Variants in UGT1A8 observed in about 807,000 individuals in gnomAD.
UGT1A8 encodes the protein UDP-glucuronosyltransferase 1A8.
In UGT1A8, 39 loss-of-function variants were observed where a neutral mutation model predicts 45.3. That is an observed-to-expected ratio of 0.86 (90% confidence interval 0.67 to 1.12). The LOEUF is 1.12. Ranked by LOEUF, UGT1A8 falls within the 50% of genes most tolerant of loss-of-function variation. The probability of loss-of-function intolerance (pLI) is 0.00; values close to 1 mark genes in which losing one functional copy is unlikely to be tolerated. For missense variants in UGT1A8, 719 were observed against 664.9 expected (o/e 1.08, Z -0.90); for synonymous variants, 275 against 249.2 (o/e 1.10, Z -0.97).
intron 1 of UGT1A8, chr2:233,647,926 C>G: frequency 5.6e-6 from 9 of 1,601,882 alleles, no homozygotes; most frequent in Non-Finnish European, 6.8e-6. Context: ...AGATCACTCA[C>G]TGCCCATGGA....
intron 1 of UGT1A8, among the ~76,000 whole-genome samples, chr2:233,738,616 G>A (rs1192038342): frequency 6.6e-6 from 1 of 152,208 alleles, no homozygotes; most frequent in Non-Finnish European, 1.5e-5. Context: ...AAAGAAACTC[G>A]TGGCATTTTT....
chr2:233,754,382 C>A, intron 1 of UGT1A8: 2 of 288,814 alleles, frequency 6.9e-6, no homozygotes, highest in Non-Finnish European at 1.4e-5. Flanking sequence ...GAAAGACAAA[C>A]AGAGGTCCTA....
intron 1 of UGT1A8, chr2:233,743,752 C>T (rs1459474773): frequency 7.3e-7 from 1 of 1,367,268 alleles, no homozygotes. Flanking sequence ...CGTCCGACAA[C>T]ACCTCGTAGG....
At chr2:233,741,092 C>G (rs1056351038) in intron 1 of UGT1A8, among the ~76,000 whole-genome samples, 2 of 151,810 alleles carry the variant, frequency 1.3e-5, no homozygotes, top group African/African-American at 4.9e-5. Flanking sequence ...AACAAACAAG[C>G]AAACAGACAA....
intron 1 of UGT1A8, among the ~76,000 whole-genome samples, chr2:233,621,664 C>T (rs1005000533): frequency 6.6e-6 from 1 of 152,142 alleles, no homozygotes; most frequent in Non-Finnish European, 1.5e-5. Context: ...CACTATTTTG[C>T]TGAACTGATT....
intron 1 of UGT1A8, among the ~76,000 whole-genome samples, chr2:233,764,963 G>A (rs1465022385): frequency 6.6e-6 from 1 of 152,090 alleles, no homozygotes; most frequent in East Asian, 1.9e-4. Flanking sequence ...GCTCACCTTG[G>A]GAGAAGGATG....
intron 1 of UGT1A8, among the ~76,000 whole-genome samples, chr2:233,696,491 C>T (rs1208679803): frequency 6.6e-6 from 1 of 151,990 alleles, no homozygotes; most frequent in African/African-American, 2.4e-5. Flanking sequence ...GCAACTTTAC[C>T]GAATTTGCTT....
At chr2:233,669,280 T>G (rs2074135198) in intron 1 of UGT1A8, among the ~76,000 whole-genome samples, 1 of 152,202 alleles carries the variant, frequency 6.6e-6, no homozygotes, top group African/African-American at 2.4e-5. Context: ...TTTTAAAAGT[T>G]ATTTTTGCTA....
At chr2:233,683,946 G>A (rs2074657206) in intron 1 of UGT1A8, among the ~76,000 whole-genome samples, 1 of 152,126 alleles carries the variant, frequency 6.6e-6, no homozygotes, top group South Asian at 2.1e-4. Context: ...TGTTGGTCTA[G>A]CCAGCTTAAA....
intron 1 of UGT1A8, among the ~76,000 whole-genome samples, chr2:233,736,005 G>A (rs1194834652): frequency 1.3e-5 from 2 of 152,028 alleles, no homozygotes; most frequent in African/African-American, 4.8e-5. Flanking sequence ...TGTTCTTCTC[G>A]AGGAGTATCT....
chr2:233,634,428 T>G (rs972084388), intron 1 of UGT1A8, among the ~76,000 whole-genome samples: 1 of 152,154 alleles, frequency 6.6e-6, no homozygotes, highest in Admixed American at 6.5e-5. Context: ...CTCCCACTAT[T>G]ATTGTATGGG....
intron 1 of UGT1A8, among the ~76,000 whole-genome samples, chr2:233,757,449 A>G (rs1402767251): frequency 1.3e-5 from 2 of 150,796 alleles, no homozygotes; most frequent in Admixed American, 6.6e-5. Context: ...ATACAGAAAC[A>G]TGTCCAGAGC....
intron 1 of UGT1A8, among the ~76,000 whole-genome samples, chr2:233,619,821 G>T (rs1422915694): frequency 1.3e-5 from 2 of 152,134 alleles, no homozygotes; most frequent in Non-Finnish European, 2.9e-5. Flanking sequence ...CCATCTGCAA[G>T]TAATTCCCTT....
intron 1 of UGT1A8, among the ~76,000 whole-genome samples, chr2:233,624,097 A>G (rs529353354): frequency 2.0e-5 from 3 of 152,266 alleles, no homozygotes; most frequent in South Asian, 2.1e-4. Context: ...TTATGTTTCT[A>G]TGGCACATCC....
chr2:233,643,217 T>C (rs2073504163), intron 1 of UGT1A8, among the ~76,000 whole-genome samples: 1 of 152,140 alleles, frequency 6.6e-6, no homozygotes, highest in South Asian at 2.1e-4. Flanking sequence ...ACCTTAGCAT[T>C]CCACCTGGTA....
At chr2:233,658,206 A>G (rs1263690912) in intron 1 of UGT1A8, among the ~76,000 whole-genome samples, 2 of 152,052 alleles carry the variant, frequency 1.3e-5, no homozygotes, top group Non-Finnish European at 2.9e-5. Flanking sequence ...TTTAGTAGAC[A>G]CAGGGTTTCA....
chr2:233,748,199 G>A (rs1164871167), intron 1 of UGT1A8: 58 of 1,533,096 alleles, frequency 3.8e-5, no homozygotes, highest in Non-Finnish European at 4.6e-5. Context: ...TCTGCTTGTC[G>A]TAATAGCCTT....
chr2:233,628,133 ATT>A (rs1280843341), intron 1 of UGT1A8, among the ~76,000 whole-genome samples: 1 of 152,024 alleles, frequency 6.6e-6, no homozygotes, highest in Non-Finnish European at 1.5e-5. Context: ...ATATGTTTGT[ATT>A]TCTTTCCTGT....
At chr2:233,743,056 A>G (rs955838724) in intron 1 of UGT1A8, 3 of 325,656 alleles carry the variant, frequency 9.2e-6, no homozygotes, top group African/African-American at 6.5e-5. Context: ...AGTCCCAACG[A>G]TAAGAACAGG....
Sources: allele counts gnomAD v4.1 joint callset (sites outside exome capture counted in the v4.1 genomes callset), GRCh38; gene constraint gnomAD v4.1.1; transcripts MANE v1.5; gene names NCBI Gene and HGNC (gene_info 2026-07-23, HGNC 2026-07-21).